Variants in LRPAP1 observed in about 807,000 individuals in gnomAD.
The protein encoded by LRPAP1 is alpha-2-macroglobulin receptor-associated protein.
Under a neutral mutation model 39.9 loss-of-function variants are expected in LRPAP1, and 41 were observed. The ratio of observed to expected loss-of-function variants is 1.03; its 90% CI spans 0.80 to 1.33. LRPAP1 has a LOEUF of 1.33. Among genes scored for constraint, LRPAP1 ranks in the 40% most tolerant of loss-of-function variants. LRPAP1 has a pLI of 0.00. For missense variants in LRPAP1, 565 were observed against 482.3 expected (o/e 1.17, Z -1.61); for synonymous variants, 263 against 212.7 (o/e 1.24, Z -2.06).
chr4:3,518,837 G>T, intron 4 of LRPAP1, 34 bp downstream of exon 4: 1 of 1,244,864 alleles, frequency 8.0e-7, no homozygotes, highest in Non-Finnish European at 1.1e-6. Flanking sequence ...AGGGGGTGGG[G>T]CAGAGGGCAG....
In LRPAP1 at chr4:3,518,269, A is replaced by G. The variant is rs140653008; in HGVS notation, c.593-77T>C. ...GCCCAGACCACTGTCTAGAACGCCC[A>G]CTGCTGGGGAGCTCAAACTCGCTCT... On this transcript the variant is annotated intron_variant, in intron 4 of 7. Coordinates refer to ENST00000650182, the MANE Select transcript of LRPAP1 (RefSeq NM_002337.4). The G allele has an allele frequency of 1.7e-4, 249 of 1,449,690 alleles. 5 individuals carry two copies. The East Asian group carries it at 3.9e-3, about 23-fold the overall frequency. The allele number at this position is 1,449,690 out of a possible 1,614,324, so 89.8% of individuals were successfully genotyped here.
chr4:3,518,186 T>G lies in LRPAP1; in HGVS notation c.599A>C (p.His200Pro). The G allele has an allele frequency of 6.2e-7, 1 of 1,610,054 alleles. No individual in the cohort carries two copies. The highest frequency in any genetic ancestry group is 8.5e-7 in the Non-Finnish European group (1 of 1,177,336). ...LETLSRTEEIHENVISPSDLS... is the reference protein window; with the variant it reads ...LETLSRTEEIPENVISPSDLS... ...GTCCGAGGGGCTAATGACGTTCTCG[T>G]GGATTTCTGTAAAACCGAAGGCAGG... The change falls in exon 5 of 8, where the codon CAC becomes CCC. Residue 200 changes from histidine (H) to proline (P), a missense_variant. By Grantham distance (77) the His-to-Pro change is moderately conservative (BLOSUM62 -2). Coordinates refer to ENST00000650182, the MANE Select transcript of LRPAP1 (RefSeq NM_002337.4).
rs1729863527 is a variant in LRPAP1, at chr4:3,520,094, C to T, written c.449G>A (p.Arg150Lys). ...GTQEDGLDDP[R>K]LEKLWHKAKT... is the part of the protein sequence containing the mutation. ...TACCTTGTGCCACAGCTTTTCCAGCCTGGGGTCATCCAGCCCGTCTTCCTG... is the reference window on the plus strand; with the variant it reads ...TACCTTGTGCCACAGCTTTTCCAGCTTGGGGTCATCCAGCCCGTCTTCCTG... Residue 150 changes from arginine to lysine, a missense_variant, in exon 3 of 8, where the codon AGG becomes AAG. Physicochemically the swap from Arg to Lys is conservative, Grantham distance 26. Coordinates refer to ENST00000650182, the MANE Select transcript of LRPAP1 (RefSeq NM_002337.4). 2 of 1,614,042 alleles carry T rather than the reference C, an allele frequency of 1.2e-6. No individual in the cohort carries two copies. The highest frequency in any genetic ancestry group is 1.7e-6 in the Non-Finnish European group (2 of 1,180,038).
chr4:3,519,026 G>C (rs763294289), intron 3 of LRPAP1, 35 bp from the exon 4 acceptor site: 2 of 1,605,466 alleles, frequency 1.2e-6, no homozygotes, highest in East Asian at 2.2e-5. Flanking sequence ...TGAACCCGCC[G>C]CGGGCTCGTG....
chr4:3,512,350 TCTGA>T lies in LRPAP1; in HGVS notation c.*620_*623del, dbSNP rs1433117059. Reference sequence around the variant, plus strand: ...AAGACGCTGCCCCCAGGCCACAGTCTCTGACTGTCCACAGAACCACACGCTCCAC... The same window carrying T: ...AAGACGCTGCCCCCAGGCCACAGTCTCTGTCCACAGAACCACACGCTCCAC... On this transcript the variant is annotated 3_prime_UTR_variant, in exon 8 of 8. Coordinates refer to ENST00000650182, the MANE Select transcript of LRPAP1 (RefSeq NM_002337.4). 1.3e-5 allele frequency: 2 copies of T among 152,822 alleles called. No individual in the cohort carries two copies. Among genetic ancestry groups the T allele is most frequent in the African/African-American group, 2.4e-5 (1 of 41,456 alleles). 9.5% of individuals were successfully genotyped at this position (152,822 alleles called of 1,614,324 possible). A position where few individuals can be genotyped will look rare whatever the true frequency, so the allele number is the denominator to read the frequency against.
chr4:3,530,725 T>A (rs1218509718), intron 1 of LRPAP1, among the ~76,000 whole-genome samples: 2 of 152,168 alleles, frequency 1.3e-5, no homozygotes, highest in Non-Finnish European at 2.9e-5. Context: ...GGTGTATTGC[T>A]GCAGGAGGCC....
intron 3 of LRPAP1, 134 bp downstream of exon 3, chr4:3,519,938 G>A: frequency 1.9e-6 from 2 of 1,036,084 alleles, no homozygotes; most frequent in Admixed American, 5.2e-5. Context: ...GCTTCCTTAG[G>A]AAGCCACCGT....
At chr4:3,528,303 C>T (rs550132095) in intron 1 of LRPAP1, among the ~76,000 whole-genome samples, 6 of 152,320 alleles carry the variant, frequency 3.9e-5, no homozygotes, top group African/African-American at 9.6e-5. Flanking sequence ...CAAACGACGC[C>T]GGTCCTGTGT....
chr4:3,522,607 C>A (rs556415624), intron 2 of LRPAP1, among the ~76,000 whole-genome samples: 2 of 145,122 alleles, frequency 1.4e-5, no homozygotes, highest in East Asian at 2.0e-4. Flanking sequence ...CCGCCCCACA[C>A]CCCCTGCCTG....
intron 1 of LRPAP1, among the ~76,000 whole-genome samples, chr4:3,528,065 C>T (rs1037235740): frequency 1.3e-5 from 2 of 152,174 alleles, no homozygotes; most frequent in African/African-American, 4.8e-5. Flanking sequence ...GCAGCACCAC[C>T]ACAAAAAGCA....
At position 3,505,701 on chromosome 4, in the gene LRPAP1, G is replaced by C. The variant is rs1729334065; in HGVS notation, c.*7273C>G. 6.6e-6 allele frequency among the ~76,000 whole-genome samples: 1 copy of C among 152,062 alleles called. No individual in the cohort carries two copies. Among genetic ancestry groups the C allele is most frequent in the Non-Finnish European group, 1.5e-5 (1 of 68,014 alleles). On this transcript the variant is annotated 3_prime_UTR_variant, in exon 8 of 8. Transcript: ENST00000650182. Reference sequence around the variant, plus strand: ...AGACCGTCTATACCAGCTACCCCAAGACCGTCTATACCAGCTACGCCAAGA... The same window carrying C: ...AGACCGTCTATACCAGCTACCCCAACACCGTCTATACCAGCTACGCCAAGA...
In LRPAP1 at chr4:3,512,407, C is replaced by T. The variant is rs1210328720; in HGVS notation, c.*567G>A. 6.5e-6 allele frequency: 1 copy of T among 154,038 alleles called. No homozygotes were observed. The highest frequency in any genetic ancestry group is 1.4e-5 in the Non-Finnish European group (1 of 69,240). The allele number at this position is 154,038 out of a possible 1,614,324, so 9.5% of individuals were successfully genotyped here. A position where few individuals can be genotyped will look rare whatever the true frequency, so the allele number is the denominator to read the frequency against. ...CTTCCCCTCAAACTCAACTCAAGCG[C>T]TCTTGGCTTTAAATCAGGCCGGGCC... is the stretch of plus-strand genomic sequence containing the variant. On this transcript the variant is annotated 3_prime_UTR_variant, in exon 8 of 8. Transcript: ENST00000650182.
intron 7 of LRPAP1, among the ~76,000 whole-genome samples, chr4:3,513,360 T>C (rs1729593350): frequency 1.3e-5 from 2 of 152,282 alleles, no homozygotes; most frequent in South Asian, 4.2e-4. Context: ...CAGGCTGGAG[T>C]GCAGTGGCAT....
chr4:3,522,494 AC>A (rs1729938417), intron 2 of LRPAP1, among the ~76,000 whole-genome samples: 1 of 59,050 alleles, frequency 1.7e-5, no homozygotes, highest in African/African-American at 4.8e-5. Flanking sequence ...GAGGATGAAC[AC>A]GGCCCCACAC....
At chr4:3,520,014 C>CT in intron 3 of LRPAP1, 58 bp downstream of exon 3, 2 of 1,593,258 alleles carry the variant, frequency 1.3e-6, no homozygotes, top group Non-Finnish European at 1.7e-6. Context: ...CAGCCCCCGC[C>CT]TTAACACTCA....
chr4:3,526,627 C>G (rs954776967), intron 1 of LRPAP1, among the ~76,000 whole-genome samples: 1 of 152,222 alleles, frequency 6.6e-6, no homozygotes, highest in Non-Finnish European at 1.5e-5. Flanking sequence ...CCCTCAGGTC[C>G]GCGCCGCGCA....
In LRPAP1 at chr4:3,514,770, G is replaced by A. The variant is rs1022497433; in HGVS notation, c.993C>T (p.Thr331=). ...REKHALLEGR[T]KELGYTVKKH... ...TGCGCACCGTGTAGCCCAGCTCCTTGGTCCGCCCCTCCAGCAGGGCGTGCT... is the reference window on the plus strand; with the variant it reads ...TGCGCACCGTGTAGCCCAGCTCCTTAGTCCGCCCCTCCAGCAGGGCGTGCT... Residue 331 remains threonine, a synonymous_variant, in exon 7 of 8, where the codon ACC becomes ACT. Coordinates refer to ENST00000650182, the MANE Select transcript of LRPAP1 (RefSeq NM_002337.4). 19 of 1,610,092 alleles carry A rather than the reference G, an allele frequency of 1.2e-5. No homozygotes were observed. The highest frequency in any genetic ancestry group is 1.2e-5 in the Non-Finnish European group (14 of 1,179,152).
At position 3,522,524 on chromosome 4, in the gene LRPAP1, G is replaced by A. The variant is rs531847271; in HGVS notation, c.350-2331C>T. On this transcript the variant is annotated intron_variant, in intron 2 of 7. Coordinates refer to ENST00000650182, the MANE Select transcript of LRPAP1 (RefSeq NM_002337.4). Reference sequence around the variant, plus strand: ...CCCACACTCCCTGCCTGGGGAGGACGGACGTCATCCCACACGCCCTGCCCG... The same window carrying A: ...CCCACACTCCCTGCCTGGGGAGGACAGACGTCATCCCACACGCCCTGCCCG... 2.9e-3 allele frequency among the ~76,000 whole-genome samples: 443 copies of A among 151,442 alleles called. 5 individuals are homozygous for A. Among genetic ancestry groups the A allele is most frequent in the African/African-American group, 0.01 (426 of 41,168 alleles).
rs147013302 is a variant in LRPAP1 at position 3,520,108 on chromosome 4, C to T, written c.435G>A (p.Gly145=). The change falls in exon 3 of 8, where the codon GGG becomes GGA. Residue 145 remains glycine, a synonymous_variant. Transcript: ENST00000650182. ...SNSLSGTQED[G]LDDPRLEKLW... ...GCTTTTCCAGCCTGGGGTCATCCAG[C>T]CCGTCTTCCTGGGTGCCACTGAGGG... The T allele has an allele frequency of 1.2e-4, 187 of 1,614,062 alleles. No individual in the cohort carries two copies. Among genetic ancestry groups the T allele is most frequent in the Non-Finnish European group, 1.5e-4 (179 of 1,180,034 alleles).
Sources: gnomAD v4.1 joint callset for allele counts (sites outside exome capture counted in the v4.1 genomes callset) on GRCh38, gnomAD v4.1.1 for gene constraint, MANE v1.5 for transcripts, NCBI Gene and HGNC (gene_info 2026-07-23, HGNC 2026-07-21) for gene names.